The following XIRP2 variants were observed in gnomAD, a reference collection of about 807,000 sequenced individuals.
XIRP2 encodes xin actin-binding repeat-containing protein 2.
XIRP2 carries 236 observed loss-of-function variants against 277.0 expected under a neutral mutation model. That is an observed-to-expected ratio of 0.85 (90% CI 0.77 to 0.95). The LOEUF is 0.95. XIRP2 is among the 40% of genes least tolerant of loss of function. The pLI, the probability that XIRP2 is intolerant of heterozygous loss-of-function variation, is 0.00. For synonymous variants in XIRP2, 1,490 were observed against 1,416.5 expected (o/e 1.05, Z -1.17); for missense variants, 4,640 against 4,157.5 (o/e 1.12, Z -3.19).
At position 166,969,534 on chromosome 2, in the gene XIRP2, G is replaced by A. The variant is rs182444270; in HGVS notation, c.408+65644G>A. ...TTCTGCAGTATGAGTGAGAATAAAC[G>A]ATATTACAATAAAAAAAAAACTCCC... is the stretch of plus-strand genomic sequence containing the variant. On this transcript the variant is annotated intron_variant, in intron 2 of 10. Transcript: ENST00000409195. 2.9e-3 allele frequency among the ~76,000 whole-genome samples: 443 copies of A among 150,850 alleles called. 3 individuals are homozygous for A. Among genetic ancestry groups the A allele is most frequent in the African/African-American group, 9.9e-3 (408 of 41,138 alleles).
chr2:167,052,422 G>C (rs1403306164), intron 2 of XIRP2, among the ~76,000 whole-genome samples: 2 of 151,770 alleles, frequency 1.3e-5, no homozygotes, highest in East Asian at 1.9e-4. Flanking sequence ...AGACATGGTG[G>C]GTGCAAAATG....
intron 2 of XIRP2, among the ~76,000 whole-genome samples, chr2:167,076,112 G>A (rs928131514): frequency 1.3e-5 from 2 of 152,146 alleles, no homozygotes; most frequent in Non-Finnish European, 2.9e-5. Flanking sequence ...TCATGAGAGT[G>A]GGCAACAGAT....
At chr2:167,132,663 C>T (rs1003050928) in intron 2 of XIRP2, among the ~76,000 whole-genome samples, 1 of 152,202 alleles carries the variant, frequency 6.6e-6, no homozygotes, top group African/African-American at 2.4e-5. Flanking sequence ...CACGTGTTTC[C>T]TTTCAGCCTC....
intron 3 of XIRP2, among the ~76,000 whole-genome samples, chr2:167,205,560 G>A (rs1291309126): frequency 6.6e-6 from 1 of 151,908 alleles, no homozygotes; most frequent in African/African-American, 2.4e-5. Context: ...GCTTCATAGT[G>A]GGATGGTATC....
intron 2 of XIRP2, among the ~76,000 whole-genome samples, chr2:167,074,037 C>A (rs989070937): frequency 6.6e-6 from 1 of 152,052 alleles, no homozygotes; most frequent in Non-Finnish European, 1.5e-5. Context: ...CACTATTATA[C>A]CCATTGCATA....
Position 167,247,359 on chromosome 2 carries a change from G to A in XIRP2, c.5967G>A (p.Lys1989=), listed in dbSNP as rs1359054198. 4 of 1,613,796 alleles carry A rather than the reference G, an allele frequency of 2.5e-6. No homozygotes were observed. Among genetic ancestry groups the A allele is most frequent in the South Asian group, 1.1e-5 (1 of 91,076 alleles). The change falls in exon 9 of 11, where the codon AAG becomes AAA. Residue 1989 remains lysine (K), a synonymous_variant. Coordinates refer to ENST00000409195, the MANE Select transcript of XIRP2 (RefSeq NM_152381.6). ...CAGGTCCATTTGAGCCAGCGGCCAAGTGGCAAGGGGGAGCAGATACTCTCA... is the reference window on the plus strand; with the variant it reads ...CAGGTCCATTTGAGCCAGCGGCCAAATGGCAAGGGGGAGCAGATACTCTCA... The part of the protein sequence containing the change: ...PKPGPFEPAA[K]WQGGADTLSQ...
chr2:166,903,505 C>T lies in XIRP2; in HGVS notation c.23C>T (p.Ser8Phe), dbSNP rs1190731521. 1 of 1,613,134 alleles carries T rather than the reference C, an allele frequency of 6.2e-7. No homozygotes were observed. Among genetic ancestry groups the T allele is most frequent in the Non-Finnish European group, 8.5e-7 (1 of 1,179,440 alleles). MFPMQKG[S>F]LNLLRQKWES... ...TCCATGTTCCCAATGCAGAAGGGCT[C>T]CCTCAACCTCCTGAGGCAGAAATGG... is the stretch of plus-strand genomic sequence containing the variant. The change falls in exon 2 of 11, where the codon TCC becomes TTC. Residue 8 changes from serine to phenylalanine, a missense_variant. Coordinates refer to ENST00000409195, the MANE Select transcript of XIRP2 (RefSeq NM_152381.6).
chr2:167,002,467 C>A (rs778143455), intron 2 of XIRP2, among the ~76,000 whole-genome samples: 40 of 152,060 alleles, frequency 2.6e-4, no homozygotes, highest in Non-Finnish European at 4.9e-4. Context: ...CTCTTTGCTT[C>A]ACCAAGAATA....
At chr2:167,041,647 T>G (rs1442173639) in intron 2 of XIRP2, among the ~76,000 whole-genome samples, 1 of 151,892 alleles carries the variant, frequency 6.6e-6, no homozygotes, top group South Asian at 2.1e-4. Flanking sequence ...TTTTAAAAAA[T>G]GAACACAATT....
At chr2:167,238,376 T>C (rs895544636) in intron 5 of XIRP2, among the ~76,000 whole-genome samples, 4 of 152,110 alleles carry the variant, frequency 2.6e-5, no homozygotes, top group Non-Finnish European at 5.9e-5. Context: ...TGGCTTTTTG[T>C]AGGACTTCTA....
chr2:167,071,348 C>T (rs1257779466), intron 2 of XIRP2, among the ~76,000 whole-genome samples: 4 of 131,200 alleles, frequency 3.0e-5, no homozygotes, highest in Admixed American at 2.8e-4. Context: ...CAAACATCTA[C>T]ACCAAAAAAA....
At position 167,251,183 on chromosome 2, in the gene XIRP2, A is replaced by T; in HGVS notation, c.9791A>T (p.Lys3264Ile). ...GTGGACGCTCAAGAGGAAATCAGGA[A>T]AGTGGAGAAGAGAGCTACTTATGTT... is the stretch of plus-strand genomic sequence containing the variant. ...ESVDAQEEIR[K>I]VEKRATYVHK... The change falls in exon 9 of 11, where the codon AAA becomes ATA. Residue 3264 changes from lysine (K) to isoleucine (I), a missense_variant. Lys to Ile is a moderately radical substitution (Grantham distance 102). Coordinates refer to ENST00000409195, the MANE Select transcript of XIRP2 (RefSeq NM_152381.6). 6.2e-7 allele frequency: 1 copy of T among 1,613,508 alleles called. No homozygotes were observed. The highest frequency in any genetic ancestry group is 8.5e-7 in the Non-Finnish European group (1 of 1,179,704).
intron 3 of XIRP2, among the ~76,000 whole-genome samples, chr2:167,172,848 G>T (rs1371198828): frequency 1.3e-5 from 2 of 152,308 alleles, no homozygotes; most frequent in African/African-American, 4.8e-5. Context: ...AAGATGATGG[G>T]ATTAAGAGAT....
intron 5 of XIRP2, among the ~76,000 whole-genome samples, chr2:167,221,359 A>T (rs1694421751): frequency 6.9e-6 from 1 of 145,602 alleles, no homozygotes; most frequent in African/African-American, 2.5e-5. Flanking sequence ...AGCTACTGGG[A>T]GGCTGAGGCA....
At chr2:166,891,005 C>T (rs964142099) in intron 1 of XIRP2, among the ~76,000 whole-genome samples, 3 of 152,122 alleles carry the variant, frequency 2.0e-5, no homozygotes, top group African/African-American at 7.2e-5. Flanking sequence ...AATGCAGCTC[C>T]CAGAGCTGGC....
chr2:167,258,263 C>A lies in XIRP2; in HGVS notation c.*446C>A, dbSNP rs2105458319. 2 of 1,613,254 alleles carry A rather than the reference C, an allele frequency of 1.2e-6. No homozygotes were observed. Among genetic ancestry groups the A allele is most frequent in the Admixed American group, 3.3e-5 (2 of 59,892 alleles). ...ACCTGAAATGACAACCCTGCTATCCCCTGAATTTAAAAGTGAATCTCTGCT... is the reference window on the plus strand; with the variant it reads ...ACCTGAAATGACAACCCTGCTATCCACTGAATTTAAAAGTGAATCTCTGCT... On this transcript the variant is annotated 3_prime_UTR_variant, in exon 11 of 11. Transcript: ENST00000409195.
intron 4 of XIRP2, among the ~76,000 whole-genome samples, chr2:167,212,791 A>G (rs933101200): frequency 6.6e-6 from 1 of 152,198 alleles, no homozygotes; most frequent in Non-Finnish European, 1.5e-5. Flanking sequence ...GTGAGAAAGA[A>G]GAGCACATAT....
intron 2 of XIRP2, among the ~76,000 whole-genome samples, chr2:166,910,824 A>G (rs1164254203): frequency 1.3e-5 from 2 of 152,026 alleles, no homozygotes; most frequent in African/African-American, 4.8e-5. Flanking sequence ...CTTTGTTCTC[A>G]TTGGTTTCAA....
At chr2:166,910,304 T>C (rs1361694028) in intron 2 of XIRP2, among the ~76,000 whole-genome samples, 2 of 152,222 alleles carry the variant, frequency 1.3e-5, no homozygotes, top group Non-Finnish European at 2.9e-5. Context: ...GTTATTAGTC[T>C]ATTCAGGGAT....
Sources: allele counts gnomAD v4.1 joint callset (sites outside exome capture counted in the v4.1 genomes callset), GRCh38; gene constraint gnomAD v4.1.1; transcripts MANE v1.5; gene names NCBI Gene and HGNC (gene_info 2026-07-23, HGNC 2026-07-21).